The following WDR47 variants were observed in gnomAD, a reference collection of about 807,000 sequenced individuals.
WDR47 encodes WD repeat-containing protein 47.
A neutral mutation model predicts 97.2 loss-of-function variants in WDR47; 32 were observed. That is an observed-to-expected ratio of 0.33 (90% CI 0.25 to 0.44). The LOEUF (loss-of-function observed/expected upper bound fraction) is 0.44, where lower values mean the gene tolerates loss of function less well. Among genes scored for constraint, WDR47 ranks in the 20% least tolerant of loss-of-function variants. WDR47 has a pLI of 1.00. For missense variants in WDR47, 782 were observed against 1,102.3 expected (o/e 0.71, Z 4.11); for synonymous variants, 375 against 373.5 (o/e 1.00, Z -0.05).
At chr1:109,018,635 C>T (rs1353909680) in intron 2 of WDR47, among the ~76,000 whole-genome samples, 1 of 151,810 alleles carries the variant, frequency 6.6e-6, no homozygotes, top group Non-Finnish European at 1.5e-5. Flanking sequence ...GGAAACATGG[C>T]GAAACCCTGG....
At chr1:109,026,303 G>C (rs1348662121) in intron 1 of WDR47, among the ~76,000 whole-genome samples, 1 of 150,996 alleles carries the variant, frequency 6.6e-6, no homozygotes, top group African/African-American at 2.4e-5. Flanking sequence ...CTCTCGCCTC[G>C]GCATCCCAAA....
intron 4 of WDR47, among the ~76,000 whole-genome samples, chr1:109,013,525 T>C (rs568102904): frequency 4.0e-5 from 6 of 151,690 alleles, no homozygotes; most frequent in African/African-American, 1.5e-4. Context: ...ACCAACCCAC[T>C]TCCGGGATTT....
chr1:109,004,445 G>A (rs1484665155), intron 6 of WDR47, 147 bp downstream of exon 6: 1 of 998,286 alleles, frequency 1.0e-6, no homozygotes, highest in African/African-American at 1.7e-5. Flanking sequence ...TTGAAGAGAG[G>A]AGAGAAAATA....
intron 14 of WDR47, among the ~76,000 whole-genome samples, chr1:108,972,579 TG>T (rs1180064482): frequency 6.6e-6 from 1 of 152,110 alleles, no homozygotes; most frequent in Non-Finnish European, 1.5e-5. Context: ...CAGGAGTATA[TG>T]GGAAATCTCC....
Position 109,011,042 on chromosome 1 carries a change from C to G in WDR47, c.1004G>C (p.Gly335Ala), listed in dbSNP as rs1483918911. Residue 335 changes from glycine to alanine, a missense_variant, in exon 5 of 15, where the codon GGA becomes GCA. Gly to Ala is a moderately conservative substitution (Grantham distance 60). Coordinates refer to ENST00000369962, the MANE Select transcript of WDR47 (RefSeq NM_001142551.2). Reference sequence around the variant, plus strand: ...GTGTGACATTGGAGAAGTTTTGTTTCCAAGGTCTGAAATTCTCTTATCATG... The same window carrying G: ...GTGTGACATTGGAGAAGTTTTGTTTGCAAGGTCTGAAATTCTCTTATCATG... ...TSHDKRISDL[G>A]NKTSPMSHSF... The G allele has an allele frequency of 1.9e-6, 3 of 1,613,944 alleles. No homozygotes were observed. The highest frequency in any genetic ancestry group is 1.3e-5 in the African/African-American group (1 of 74,880).
chr1:108,983,608 A>G (rs931840422), intron 10 of WDR47, among the ~76,000 whole-genome samples, 157 bp from the exon 11 acceptor site: 1 of 152,230 alleles, frequency 6.6e-6, no homozygotes, highest in Non-Finnish European at 1.5e-5. Flanking sequence ...TAAAATTAGC[A>G]GCATACTTAA....
At chr1:109,036,932 C>T (rs1662995963) in intron 1 of WDR47, among the ~76,000 whole-genome samples, 1 of 152,204 alleles carries the variant, frequency 6.6e-6, no homozygotes, top group African/African-American at 2.4e-5. Flanking sequence ...ATCATCTAGG[C>T]TCTTTACAAT....
At chr1:108,991,793 C>T (rs1374946267) in intron 8 of WDR47, among the ~76,000 whole-genome samples, 2 of 151,990 alleles carry the variant, frequency 1.3e-5, no homozygotes, top group Non-Finnish European at 2.9e-5. Context: ...ACATATGTAG[C>T]CCTTCCTTCC....
At chr1:109,020,886 AT>A (rs36061329) in intron 2 of WDR47, among the ~76,000 whole-genome samples, 7 of 142,526 alleles carry the variant, frequency 4.9e-5, no homozygotes, top group Non-Finnish European at 3.0e-5. Context: ...GGAACACTTC[AT>A]TTTTTTTTTT....
intron 5 of WDR47, among the ~76,000 whole-genome samples, chr1:109,005,221 G>T (rs567831649): frequency 0.018 from 2,686 of 152,090 alleles, 83 homozygotes; most frequent in African/African-American, 0.062. Context: ...GGGTAACATG[G>T]TGAAGCCTAG....
At chr1:109,007,132 G>GT (rs1002770638) in intron 5 of WDR47, among the ~76,000 whole-genome samples, 2 of 147,622 alleles carry the variant, frequency 1.4e-5, no homozygotes, top group African/African-American at 5.0e-5. Flanking sequence ...GTAGAGACAA[G>GT]TTTTCAACAT....
At chr1:108,994,430 G>A (rs1048269046) in intron 8 of WDR47, among the ~76,000 whole-genome samples, 18 of 152,054 alleles carry the variant, frequency 1.2e-4, no homozygotes, top group African/African-American at 3.9e-4. Flanking sequence ...ATAGAAGTAT[G>A]TTTTTCAGAA....
At chr1:109,007,730 CAG>C (rs1479632743) in intron 5 of WDR47, among the ~76,000 whole-genome samples, 1 of 152,130 alleles carries the variant, frequency 6.6e-6, no homozygotes, top group Admixed American at 6.6e-5. Context: ...AACTGAGGCT[CAG>C]AGAGATTAAA....
At chr1:109,001,126 A>T (rs1462482804) in intron 7 of WDR47, among the ~76,000 whole-genome samples, 1 of 151,878 alleles carries the variant, frequency 6.6e-6, no homozygotes, top group African/African-American at 2.4e-5. Flanking sequence ...CATCTCTACT[A>T]AAAAAATACA....
chr1:108,989,556 A>G (rs753473503), intron 9 of WDR47, among the ~76,000 whole-genome samples: 1 of 152,244 alleles, frequency 6.6e-6, no homozygotes, highest in Non-Finnish European at 1.5e-5. Flanking sequence ...GCAAAATTAT[A>G]TAATAGCATG....
chr1:109,033,611 T>C (rs1031864772), intron 1 of WDR47, among the ~76,000 whole-genome samples: 9 of 152,198 alleles, frequency 5.9e-5, no homozygotes, highest in Non-Finnish European at 1.0e-4. Context: ...AATGCCTTCA[T>C]ATACTGTTGT....
At chr1:109,004,030 C>T (rs1319290697) in intron 6 of WDR47, among the ~76,000 whole-genome samples, 8 of 151,996 alleles carry the variant, frequency 5.3e-5, no homozygotes, top group African/African-American at 1.5e-4. Context: ...TCTGGAAGGC[C>T]GAGGTGGGCG....
Position 108,971,459 on chromosome 1 carries a change from T to C in WDR47, c.2731A>G (p.Thr911Ala). ...LSFLSSSADR[T>A]VTLWTYNG is the part of the protein sequence containing the mutation. ...CCATTGTAAGTCCAGAGGGTGACAG[T>C]TCTATCTGCAGAGGATGACAGGAAG... The change falls in exon 15 of 15, where the codon ACT becomes GCT. Residue 911 changes from threonine to alanine, a missense_variant. By Grantham distance (58) the Thr-to-Ala change is moderately conservative. Around this residue, in one of 3 missense-constraint regions of WDR47, gnomAD observed 228 missense variants for 396.7 expected, o/e 0.57. Transcript: ENST00000369962. The C allele has an allele frequency of 6.2e-7, 1 of 1,614,206 alleles. No individual in the cohort carries two copies. The highest frequency in any genetic ancestry group is 8.5e-7 in the Non-Finnish European group (1 of 1,180,034).
chr1:108,995,167 A>C (rs1659655699), intron 8 of WDR47, among the ~76,000 whole-genome samples: 1 of 152,216 alleles, frequency 6.6e-6, no homozygotes. Context: ...GTAATTGCCA[A>C]AGCAGCCAAC....
Sources: gnomAD v4.1 joint callset for allele counts (sites outside exome capture counted in the v4.1 genomes callset) on GRCh38, gnomAD v4.1.1 for gene constraint, gnomAD v4.1.1 regional missense constraint, MANE v1.5 for transcripts, NCBI Gene and HGNC (gene_info 2026-07-23, HGNC 2026-07-21) for gene names.